The following PRKD1 variants were observed in gnomAD, a reference collection of about 807,000 sequenced individuals.
PRKD1 encodes serine/threonine-protein kinase D1.
In PRKD1, 63 loss-of-function variants were observed where a neutral mutation model predicts 95.9. That is an observed-to-expected ratio of 0.66 (90% confidence interval 0.54 to 0.81). PRKD1 has a LOEUF of 0.81. PRKD1 is among the 30% of genes least tolerant of loss of function. The pLI, the probability that PRKD1 is intolerant of heterozygous loss-of-function variation, is 0.00. For synonymous variants in PRKD1, 425 were observed against 423.1 expected, an observed-to-expected ratio of 1.00 and a Z score of -0.05; for missense variants, 1,048 against 1,165.3, an observed-to-expected ratio of 0.90 and a Z score of 1.47.
In PRKD1 at chr14:29,726,164, G is replaced by A. The variant is rs1886132495; in HGVS notation, c.265-490C>T. Among the ~76,000 whole-genome samples the A allele has an allele frequency of 2.0e-5, 3 of 152,126 alleles. No individual in the cohort carries two copies. The South Asian group carries it at 6.2e-4, about 32-fold the overall frequency. On this transcript the variant is annotated intron_variant, in intron 1 of 17. Transcript: ENST00000331968. ...GCCTCAATAAATCTAAACATATTCTGTATGTGAGTAGTAGCATTATCTAGA... is the reference window on the plus strand; with the variant it reads ...GCCTCAATAAATCTAAACATATTCTATATGTGAGTAGTAGCATTATCTAGA...
chr14:29,799,874 T>C (rs1208505048), intron 1 of PRKD1, among the ~76,000 whole-genome samples: 1 of 152,160 alleles, frequency 6.6e-6, no homozygotes, highest in African/African-American at 2.4e-5. Flanking sequence ...TTCTCAATAC[T>C]CTCAACAGTG....
At chr14:29,805,411 C>T (rs2139228694) in intron 1 of PRKD1, among the ~76,000 whole-genome samples, 1 of 152,188 alleles carries the variant, frequency 6.6e-6, no homozygotes, top group East Asian at 1.9e-4. Flanking sequence ...TTTCTAAATG[C>T]ATTACAAAAA....
chr14:29,668,582 A>G, intron 2 of PRKD1, among the ~76,000 whole-genome samples: 1 of 152,238 alleles, frequency 6.6e-6, no homozygotes, highest in East Asian at 1.9e-4. Flanking sequence ...AAACCCTAAG[A>G]TAATCAGTTC....
At chr14:29,619,623 C>T (rs1403274167) in intron 13 of PRKD1, among the ~76,000 whole-genome samples, 3 of 152,018 alleles carry the variant, frequency 2.0e-5, no homozygotes, top group Non-Finnish European at 4.4e-5. Flanking sequence ...ATAACTGCTA[C>T]AGAAAACAAA....
rs878869811 is a variant in PRKD1, at chr14:29,624,319, C to T, written c.1799-61G>A. ...TAAATATCATCTATCTTAAAGAACA[C>T]TAAAATTTGCAAGGACATTTAAAGA... is the stretch of plus-strand genomic sequence containing the variant. On this transcript the variant is annotated intron_variant, in intron 12 of 17. Transcript: ENST00000331968. 2.9e-5 allele frequency: 35 copies of T among 1,196,630 alleles called. 1 individual carries two copies. In the South Asian group the frequency reaches 5.1e-4, roughly 17 times the overall value. 74.1% of individuals were successfully genotyped at this position (1,196,630 alleles called of 1,614,324 possible). A position where few individuals can be genotyped will look rare whatever the true frequency, so the allele number is the denominator to read the frequency against.
chr14:29,738,415 A>G (rs781482448), intron 1 of PRKD1, among the ~76,000 whole-genome samples: 9 of 152,210 alleles, frequency 5.9e-5, no homozygotes, highest in Non-Finnish European at 1.0e-4. Flanking sequence ...TCATACAATA[A>G]TTAAAAACCA....
intron 1 of PRKD1, among the ~76,000 whole-genome samples, chr14:29,728,909 C>T: frequency 6.6e-6 from 1 of 152,076 alleles, no homozygotes. Context: ...GCCTGAAATT[C>T]AGGTAGTGAG....
intron 1 of PRKD1, among the ~76,000 whole-genome samples, chr14:29,922,494 T>C (rs1895154088): frequency 6.6e-6 from 1 of 152,132 alleles, no homozygotes; most frequent in Non-Finnish European, 1.5e-5. Context: ...TAGTTAAACA[T>C]AATCTACTAC....
chr14:29,680,699 G>A (rs915099322), intron 2 of PRKD1, among the ~76,000 whole-genome samples: 2 of 152,138 alleles, frequency 1.3e-5, no homozygotes, highest in Non-Finnish European at 2.9e-5. Context: ...AAACTCCATC[G>A]GCAGAAGCAA....
chr14:29,837,486 A>T (rs1360539514), intron 1 of PRKD1, among the ~76,000 whole-genome samples: 1 of 152,206 alleles, frequency 6.6e-6, no homozygotes, highest in Non-Finnish European at 1.5e-5. Context: ...GTAAAGAGGT[A>T]ATCACATCCA....
intron 1 of PRKD1, among the ~76,000 whole-genome samples, chr14:29,784,950 G>A (rs888725572): frequency 6.6e-6 from 1 of 152,178 alleles, no homozygotes; most frequent in Non-Finnish European, 1.5e-5. Context: ...TATAGAGGCT[G>A]CATACAAACT....
intron 1 of PRKD1, among the ~76,000 whole-genome samples, chr14:29,824,466 T>C (rs1194279778): frequency 2.0e-5 from 3 of 152,158 alleles, no homozygotes; most frequent in Non-Finnish European, 2.9e-5. Flanking sequence ...GGGAGCAGCA[T>C]AGTGCCCTCT....
chr14:29,865,388 A>G (rs867551008), intron 1 of PRKD1, among the ~76,000 whole-genome samples: 12 of 152,348 alleles, frequency 7.9e-5, no homozygotes, highest in Non-Finnish European at 1.3e-4. Flanking sequence ...CCATGTTGAA[A>G]CTGAATTACT....
intron 1 of PRKD1, among the ~76,000 whole-genome samples, chr14:29,772,138 T>A (rs533720872): frequency 1.3e-5 from 2 of 152,304 alleles, no homozygotes; most frequent in Non-Finnish European, 2.9e-5. Context: ...TTGGGGGATA[T>A]TGGGATGGAA....
intron 1 of PRKD1, among the ~76,000 whole-genome samples, chr14:29,737,798 T>A (rs1448246145): frequency 6.6e-6 from 1 of 152,148 alleles, no homozygotes; most frequent in Non-Finnish European, 1.5e-5. Flanking sequence ...ACTGGATCAT[T>A]TGAGAGAACC....
chr14:29,915,593 T>C (rs1894863422), intron 1 of PRKD1, among the ~76,000 whole-genome samples: 1 of 152,182 alleles, frequency 6.6e-6, no homozygotes, highest in South Asian at 2.1e-4. Flanking sequence ...TTGCCACCAA[T>C]AAGAGAATCC....
intron 4 of PRKD1, among the ~76,000 whole-genome samples, chr14:29,659,404 T>C (rs2139200009): frequency 6.6e-6 from 1 of 152,330 alleles, no homozygotes; most frequent in East Asian, 1.9e-4. Context: ...TTTTTAGCTA[T>C]TATGCATAAA....
At position 29,646,558 on chromosome 14, in the gene PRKD1, T is replaced by C. The variant is rs562880245; in HGVS notation, c.697-7654A>G. Reference sequence around the variant, plus strand: ...TTAGATAGATAGATAGATAGATAGATAGATAGATAGATAAATTTTTTTCAG... The same window carrying C: ...TTAGATAGATAGATAGATAGATAGACAGATAGATAGATAAATTTTTTTCAG... On this transcript the variant is annotated intron_variant, in intron 4 of 17. Transcript: ENST00000331968. Among the ~76,000 whole-genome samples, 10 of 152,046 alleles carry C rather than the reference T, an allele frequency of 6.6e-5. No individual in the cohort carries two copies. The East Asian group carries it at 1.4e-3, about 21-fold the overall frequency.
chr14:29,636,352 C>T lies in PRKD1; in HGVS notation c.1128G>A (p.Gln376=). The change falls in exon 7 of 18, where the codon CAG becomes CAA. Residue 376 remains glutamine (Q), a synonymous_variant. Coordinates refer to ENST00000331968, the MANE Select transcript of PRKD1 (RefSeq NM_002742.3). The part of the protein sequence containing the change: ...QDAEMAMAEC[Q]NDSGEMQDPD... ...GATCTTGCATCTCGCCACTGTCGTT[C>T]TGGCACTCTGCCATTGCCATCTCTG... 1 of 1,614,230 alleles carries T rather than the reference C, an allele frequency of 6.2e-7. No individual in the cohort carries two copies. Among genetic ancestry groups the T allele is most frequent in the East Asian group, 2.2e-5 (1 of 44,872 alleles).
Sources: gnomAD v4.1 joint callset for allele counts (sites outside exome capture counted in the v4.1 genomes callset) on GRCh38, gnomAD v4.1.1 for gene constraint, MANE v1.5 for transcripts, NCBI Gene and HGNC (gene_info 2026-07-23, HGNC 2026-07-21) for gene names.